Variants in RBFOX1 observed in about 807,000 individuals in gnomAD.
The protein encoded by RBFOX1 is RNA binding protein fox-1 homolog 1.
Under a neutral mutation model 57.7 loss-of-function variants are expected in RBFOX1, and 8 were observed. The ratio of observed to expected loss-of-function variants is 0.14; its 90% CI spans 0.08 to 0.25. RBFOX1 has a LOEUF of 0.25. Ranked by LOEUF, RBFOX1 falls within the 10% of genes least tolerant of loss-of-function variation. The pLI is 1.00. For synonymous variants in RBFOX1, 326 were observed against 222.4 expected, an observed-to-expected ratio of 1.47 and a Z score of -4.15; for missense variants, 611 against 548.5, an observed-to-expected ratio of 1.11 and a Z score of -1.14.
chr16:7,651,223 C>T lies in RBFOX1; in HGVS notation c.758-2592C>T, dbSNP rs546953010. Among the ~76,000 whole-genome samples the T allele has an allele frequency of 3.3e-5, 5 of 152,282 alleles. No individual in the cohort carries two copies. In the South Asian group the frequency reaches 1.0e-3, roughly 32 times the overall value. On this transcript the variant is annotated intron_variant, in intron 11 of 15. Coordinates refer to ENST00000550418, the MANE Select transcript of RBFOX1 (RefSeq NM_018723.4). Reference sequence around the variant, plus strand: ...GACGGCTGTGGGACCTTTAAGAACACACAGAATTCCAGATAATAGCCATTT... The same window carrying T: ...GACGGCTGTGGGACCTTTAAGAACATACAGAATTCCAGATAATAGCCATTT...
At chr16:6,387,944 T>C (rs1022150404) in intron 2 of RBFOX1, among the ~76,000 whole-genome samples, 3 of 149,384 alleles carry the variant, frequency 2.0e-5, no homozygotes, top group Admixed American at 6.7e-5. Flanking sequence ...TGCGCACCTA[T>C]CAGAACCAGT....
chr16:5,964,477 A>G (rs1293320969), intron 4 of RBFOX1, among the ~76,000 whole-genome samples: 1 of 152,202 alleles, frequency 6.6e-6, no homozygotes, highest in Non-Finnish European at 1.5e-5. Flanking sequence ...TAGCCAAAAT[A>G]TGAAATGACC....
At chr16:7,475,632 G>C (rs748043656) in intron 4 of RBFOX1, among the ~76,000 whole-genome samples, 1 of 151,916 alleles carries the variant, frequency 6.6e-6, no homozygotes, top group African/African-American at 2.4e-5. Context: ...TTCTTGTAGA[G>C]AGAGATAGCT....
intron 4 of RBFOX1, among the ~76,000 whole-genome samples, chr16:7,173,627 G>T (rs2081127930): frequency 6.6e-6 from 1 of 152,142 alleles, no homozygotes. Context: ...ACCAGGGAAA[G>T]AGCAGTAAAG....
chr16:7,570,295 T>C (rs1257544446), intron 5 of RBFOX1, among the ~76,000 whole-genome samples: 1 of 152,194 alleles, frequency 6.6e-6, no homozygotes, highest in Admixed American at 6.5e-5. Flanking sequence ...TGCTGTGTGA[T>C]GAGTGCATGT....
intron 3 of RBFOX1, among the ~76,000 whole-genome samples, chr16:6,835,286 T>C (rs568629854): frequency 1.3e-5 from 2 of 152,278 alleles, no homozygotes; most frequent in East Asian, 3.9e-4. Flanking sequence ...GGGTTCCCTT[T>C]CTGCATCTTT....
chr16:5,536,805 G>A (rs139504402), intron 2 of RBFOX1, among the ~76,000 whole-genome samples: 667 of 151,928 alleles, frequency 4.4e-3, no homozygotes, highest in Non-Finnish European at 7.7e-3. Flanking sequence ...ATTAGGGAGG[G>A]GTAAGGAAGG....
intron 4 of RBFOX1, among the ~76,000 whole-genome samples, chr16:7,373,805 G>T (rs2097626388): frequency 6.6e-6 from 1 of 152,204 alleles, no homozygotes; most frequent in Non-Finnish European, 1.5e-5. Flanking sequence ...AACATTCACA[G>T]AGCAACTTTT....
At chr16:6,949,983 G>T (rs945797605) in intron 3 of RBFOX1, among the ~76,000 whole-genome samples, 7 of 150,238 alleles carry the variant, frequency 4.7e-5, no homozygotes, top group African/African-American at 7.4e-5. Flanking sequence ...GTCTTGCTCT[G>T]TTGCCCAGGC....
intron 4 of RBFOX1, among the ~76,000 whole-genome samples, chr16:5,970,508 C>A (rs2059940987): frequency 6.6e-6 from 1 of 152,124 alleles, no homozygotes; most frequent in Admixed American, 6.5e-5. Context: ...AGCCAGAATG[C>A]ACGCTAATCA....
At chr16:7,485,741 A>G (rs898472249) in intron 4 of RBFOX1, among the ~76,000 whole-genome samples, 3 of 152,244 alleles carry the variant, frequency 2.0e-5, no homozygotes, top group African/African-American at 4.8e-5. Context: ...ATGTACATAT[A>G]TGTATTTCCC....
chr16:7,088,592 C>G (rs763400734), intron 4 of RBFOX1, among the ~76,000 whole-genome samples: 1 of 150,822 alleles, frequency 6.6e-6, no homozygotes, highest in Non-Finnish European at 1.5e-5. Context: ...GAAGTGGTAA[C>G]CCGTAGTTAT....
intron 3 of RBFOX1, among the ~76,000 whole-genome samples, chr16:6,797,988 G>C (rs1255065208): frequency 6.6e-6 from 1 of 152,074 alleles, no homozygotes; most frequent in Non-Finnish European, 1.5e-5. Flanking sequence ...AGCGGTGATG[G>C]TGATGATGGG....
chr16:7,292,228 A>G (rs1177749872), intron 4 of RBFOX1, among the ~76,000 whole-genome samples: 2 of 125,162 alleles, frequency 1.6e-5, no homozygotes, highest in African/African-American at 3.0e-5. Context: ...TATATGATAT[A>G]GAACGTATTA....
chr16:5,783,084 C>G (rs185413320), intron 3 of RBFOX1, among the ~76,000 whole-genome samples: 1 of 152,158 alleles, frequency 6.6e-6, no homozygotes, highest in Non-Finnish European at 1.5e-5. Context: ...ATTCCCTAAT[C>G]CAGGCAAGCA....
At chr16:7,304,915 GGTGTGTGTGTGTGTGTGT>G (rs59599069) in intron 4 of RBFOX1, among the ~76,000 whole-genome samples, 8 of 140,492 alleles carry the variant, frequency 5.7e-5, no homozygotes, top group African/African-American at 1.6e-4. Context: ...TGTGTGGTGT[GGTGTGTGTGTGTGTGTGT>G]GTGTGTGTGT....
At chr16:6,358,522 C>T (rs576755273) in intron 2 of RBFOX1, among the ~76,000 whole-genome samples, 1 of 152,118 alleles carries the variant, frequency 6.6e-6, no homozygotes, top group Non-Finnish European at 1.5e-5. Context: ...GCTGAAGAGT[C>T]TCATTTTTTC....
At chr16:6,657,566 G>C (rs1399736477) in intron 3 of RBFOX1, among the ~76,000 whole-genome samples, 2 of 152,088 alleles carry the variant, frequency 1.3e-5, no homozygotes, top group Non-Finnish European at 1.5e-5. Context: ...CACACTGATG[G>C]GTTGTTTAGG....
At chr16:6,850,093 C>G (rs61547341) in intron 3 of RBFOX1, among the ~76,000 whole-genome samples, 1 of 152,156 alleles carries the variant, frequency 6.6e-6, no homozygotes, top group Non-Finnish European at 1.5e-5. Context: ...GACATGGACT[C>G]TTAAGTATTT....
Sources: allele counts gnomAD v4.1 joint callset (sites outside exome capture counted in the v4.1 genomes callset), GRCh38; gene constraint gnomAD v4.1.1; transcripts MANE v1.5; gene names NCBI Gene and HGNC (gene_info 2026-07-23, HGNC 2026-07-21).